ATF7IP2: variants seen among roughly 807,000 people sequenced by gnomAD.
ATF7IP2 encodes activating transcription factor 7 interacting protein 2.
Under a neutral mutation model 64.2 loss-of-function variants are expected in ATF7IP2, and 42 were observed. The observed-to-expected ratio is 0.65, with a 90% CI of 0.51 to 0.85. The LOEUF (loss-of-function observed/expected upper bound fraction) is 0.85. Ranked by LOEUF, ATF7IP2 falls within the 40% of genes least tolerant of loss-of-function variation. The pLI, the probability that ATF7IP2 is intolerant of heterozygous loss-of-function variation, is 0.00. For synonymous variants in ATF7IP2, 308 were observed against 272.8 expected (o/e 1.13, Z -1.27); for missense variants, 933 against 784.2 (o/e 1.19, Z -2.27).
At chr16:10,437,512 T>C (rs529349273) in intron 6 of ATF7IP2, among the ~76,000 whole-genome samples, 14 of 152,378 alleles carry the variant, frequency 9.2e-5, no homozygotes, top group South Asian at 4.1e-4. Context: ...TATTACCTTA[T>C]GTTCCTATAA....
chr16:10,480,927 C>T lies in ATF7IP2; in HGVS notation c.1598C>T (p.Ser533Leu), dbSNP rs144326323. ...TCACATTCGAAAGCTGCTTCAAACT[C>T]AAAGGAAACAACCCCATTGGCACAA... ...LESHSKAASN[S>L]KETTPLAQNA... Residue 533 changes from serine (S) to leucine (L), a missense_variant, in exon 13 of 14, where the codon TCA (serine) becomes TTA (leucine). Transcript: ENST00000562102. The T allele has an allele frequency of 4.3e-6, 7 of 1,612,944 alleles. No individual in the cohort carries two copies. In the African/African-American group the frequency reaches 9.4e-5, roughly 22 times the overall value.
chr16:10,451,258 C>G (rs1461113593), intron 8 of ATF7IP2, among the ~76,000 whole-genome samples: 1 of 152,126 alleles, frequency 6.6e-6, no homozygotes, highest in Non-Finnish European at 1.5e-5. Context: ...TTTTTTCTTT[C>G]ATTTCAACCT....
At chr16:10,441,434 A>G (rs1296211633) in intron 8 of ATF7IP2, among the ~76,000 whole-genome samples, 1 of 152,168 alleles carries the variant, frequency 6.6e-6, no homozygotes, top group Non-Finnish European at 1.5e-5. Flanking sequence ...TGACTTTTTA[A>G]TGATCGCCAT....
chr16:10,457,320 G>A, intron 8 of ATF7IP2, 52 bp from the exon 9 acceptor site: 1 of 1,492,306 alleles, frequency 6.7e-7, no homozygotes, highest in Non-Finnish European at 9.1e-7. Flanking sequence ...TGTTTGGAAG[G>A]ATACAATTGG....
chr16:10,444,154 G>A (rs937423833), intron 8 of ATF7IP2, among the ~76,000 whole-genome samples: 1 of 152,208 alleles, frequency 6.6e-6, no homozygotes, highest in Non-Finnish European at 1.5e-5. Flanking sequence ...ATTGTTTGAG[G>A]AAACGATGAT....
Position 10,475,549 on chromosome 16 carries a change from C to T in ATF7IP2, c.1549+1560C>T, listed in dbSNP as rs1163286669. ...TACTAAAAATACAAAAAAAATTAGC[C>T]GGGTGTGGTGGCGGGCACCTGTAGT... On this transcript the variant is annotated intron_variant, in intron 12 of 13. Transcript: ENST00000562102. Among the ~76,000 whole-genome samples the T allele has an allele frequency of 5.9e-5, 9 of 151,550 alleles. No individual in the cohort carries two copies. In the East Asian group the frequency reaches 7.8e-4, roughly 13 times the overall value.
chr16:10,430,709 A>C lies in ATF7IP2; in HGVS notation c.89A>C (p.Asn30Thr). The C allele has an allele frequency of 6.2e-7, 1 of 1,614,160 alleles. No individual in the cohort carries two copies. Among genetic ancestry groups the C allele is most frequent in the Non-Finnish European group, 8.5e-7 (1 of 1,180,022 alleles). Reference protein sequence around the residue: ...LSCRKQVEMLNKSRNVEALKT... With the variant: ...LSCRKQVEMLTKSRNVEALKT... The stretch of plus-strand genomic sequence containing the variant: ...TGCCGGAAGCAAGTAGAGATGCTGA[A>C]TAAGTCAAGGAATGTTGAAGCGCTG... The change falls in exon 5 of 14, where the codon AAT becomes ACT. Residue 30 changes from asparagine (N) to threonine (T), a missense_variant. Asn to Thr is a moderately conservative substitution (Grantham distance 65, BLOSUM62 0). Coordinates refer to ENST00000562102, the MANE Select transcript of ATF7IP2 (RefSeq NM_001393719.1).
At chr16:10,413,671 C>G (rs1025650183) in intron 1 of ATF7IP2, among the ~76,000 whole-genome samples, 1 of 152,008 alleles carries the variant, frequency 6.6e-6, no homozygotes, top group Non-Finnish European at 1.5e-5. Flanking sequence ...TGATGTGTTT[C>G]CGAGATTTGT....
At position 10,481,969 on chromosome 16, in the gene ATF7IP2, A is replaced by G. The variant is rs374575509; in HGVS notation, c.1769A>G (p.Asn590Ser). Residue 590 changes from asparagine to serine, a missense_variant, in exon 14 of 14, where the codon AAT (asparagine) becomes AGT (serine). Coordinates refer to ENST00000562102, the MANE Select transcript of ATF7IP2 (RefSeq NM_001393719.1). ...AAAGTGAAACGGGTTTTCAGACCCA[A>G]TGGCATTGCCCTGACTTGGAATATA... ...ELKVKRVFRP[N>S]GIALTWNITK... is the part of the protein sequence containing the mutation. 8 of 1,613,970 alleles carry G rather than the reference A, an allele frequency of 5.0e-6. No individual in the cohort carries two copies. Among genetic ancestry groups the G allele is most frequent in the South Asian group, 2.2e-5 (2 of 91,076 alleles).
chr16:10,392,381 G>A (rs918791344), intron 1 of ATF7IP2, among the ~76,000 whole-genome samples: 1 of 150,156 alleles, frequency 6.7e-6, no homozygotes, highest in African/African-American at 2.5e-5. Context: ...CTCCAAGATG[G>A]TTTTGAACTC....
intron 1 of ATF7IP2, among the ~76,000 whole-genome samples, chr16:10,401,892 A>G (rs536835720): frequency 1.3e-4 from 19 of 151,702 alleles, no homozygotes; most frequent in African/African-American, 4.6e-4. Context: ...CCTGTTTGTC[A>G]GTATATAGTT....
intron 9 of ATF7IP2, among the ~76,000 whole-genome samples, chr16:10,470,837 ATG>A (rs1458673058): frequency 1.5e-5 from 2 of 137,242 alleles, no homozygotes; most frequent in African/African-American, 6.3e-5. Flanking sequence ...ATATATATAT[ATG>A]TGTGTGTATA....
intron 5 of ATF7IP2, 145 bp from the exon 6 acceptor site, chr16:10,433,380 G>A: frequency 1.6e-6 from 1 of 619,976 alleles, no homozygotes. Flanking sequence ...TCACTATGTT[G>A]CCCAGGCTGG....
chr16:10,391,882 T>G, intron 1 of ATF7IP2, among the ~76,000 whole-genome samples: 1 of 147,078 alleles, frequency 6.8e-6, no homozygotes. Context: ...GGTGACAGAG[T>G]GAGATTCTGT....
At position 10,481,527 on chromosome 16, in the gene ATF7IP2, C is replaced by T. The variant is rs185095870; in HGVS notation, c.1636-309C>T. Among the ~76,000 whole-genome samples, 285 of 152,306 alleles carry T rather than the reference C, an allele frequency of 1.9e-3. 2 individuals carry two copies. The highest frequency in any genetic ancestry group is 6.5e-3 in the African/African-American group (270 of 41,566). On this transcript the variant is annotated intron_variant, in intron 13 of 13. Coordinates refer to ENST00000562102, the MANE Select transcript of ATF7IP2 (RefSeq NM_001393719.1). ...CTCAAACTCCTGACCTCAGGTGAGG[C>T]AATGCACCCAGCCATGCTGACACTT...
chr16:10,468,358 G>A (rs937478956), intron 9 of ATF7IP2, among the ~76,000 whole-genome samples: 1 of 152,008 alleles, frequency 6.6e-6, no homozygotes, highest in Non-Finnish European at 1.5e-5. Context: ...CATGATTTTT[G>A]CCTCTCCCCA....
chr16:10,396,016 C>T (rs2047413165), intron 1 of ATF7IP2, among the ~76,000 whole-genome samples: 1 of 151,606 alleles, frequency 6.6e-6, no homozygotes, highest in African/African-American at 2.4e-5. Context: ...GTAGAAAATT[C>T]TAAGAGATTC....
At chr16:10,471,836 T>C (rs888666331) in intron 9 of ATF7IP2, 3 of 229,584 alleles carry the variant, frequency 1.3e-5, no homozygotes, top group African/African-American at 6.8e-5. Context: ...ATGTCCATTG[T>C]ATACTTATAT....
intron 3 of ATF7IP2, among the ~76,000 whole-genome samples, chr16:10,422,863 T>C (rs1389181357): frequency 6.6e-6 from 1 of 152,224 alleles, no homozygotes; most frequent in Non-Finnish European, 1.5e-5. Context: ...GGCTCTGCTT[T>C]CCAGGGAACA....
Sources: allele counts gnomAD v4.1 joint callset (sites outside exome capture counted in the v4.1 genomes callset), GRCh38; gene constraint gnomAD v4.1.1; transcripts MANE v1.5; gene names NCBI Gene and HGNC (gene_info 2026-07-23, HGNC 2026-07-21).